CCSER1: variants seen among roughly 807,000 people sequenced by gnomAD.
CCSER1 encodes the protein coiled-coil serine rich protein 1, also known as serine-rich coiled-coil domain-containing protein 1.
CCSER1 carries 41 observed loss-of-function variants against 82.0 expected under a neutral mutation model. That is an observed-to-expected ratio of 0.50 (90% confidence interval 0.39 to 0.65). The LOEUF (loss-of-function observed/expected upper bound fraction) is 0.65. Among genes scored for constraint, CCSER1 ranks in the 30% least tolerant of loss-of-function variants. The pLI is 0.00. For synonymous variants in CCSER1, 414 were observed against 383.9 expected (o/e 1.08, Z -0.92); for missense variants, 1,119 against 1,064.2 (o/e 1.05, Z -0.72).
At chr4:91,508,156 TTCTGGGTTTTTTTTTTTTTTTTTC>T (rs1446875234) in intron 10 of CCSER1, among the ~76,000 whole-genome samples, 10 of 134,342 alleles carry the variant, frequency 7.4e-5, no homozygotes, top group Non-Finnish European at 1.3e-4. Context: ...TTTTTTTTTT[TTCTGGGTTTTTTTTTTTTTTTTTC>T]CTGATCTTGG....
chr4:91,531,646 C>T (rs774151832), intron 10 of CCSER1, among the ~76,000 whole-genome samples: 1 of 152,146 alleles, frequency 6.6e-6, no homozygotes, highest in Non-Finnish European at 1.5e-5. Context: ...GAATTCATTG[C>T]TCACAGTTCT....
At chr4:90,723,224 T>G (rs2149372527) in intron 6 of CCSER1, among the ~76,000 whole-genome samples, 1 of 152,092 alleles carries the variant, frequency 6.6e-6, no homozygotes, top group African/African-American at 2.4e-5. Flanking sequence ...AACTTCTAAC[T>G]GATATATCTT....
At chr4:90,661,708 A>C (rs1325243307) in intron 6 of CCSER1, among the ~76,000 whole-genome samples, 1 of 152,122 alleles carries the variant, frequency 6.6e-6, no homozygotes, top group Non-Finnish European at 1.5e-5. Context: ...TGTCCTACTT[A>C]AATCGTATGC....
chr4:91,564,228 T>C (rs914514456), intron 10 of CCSER1, among the ~76,000 whole-genome samples: 1 of 151,682 alleles, frequency 6.6e-6, no homozygotes, highest in African/African-American at 2.4e-5. Context: ...AATCTCGTTC[T>C]TTTTTTTATG....
intron 10 of CCSER1, among the ~76,000 whole-genome samples, chr4:91,295,995 A>G (rs766453803): frequency 1.3e-5 from 2 of 151,952 alleles, no homozygotes; most frequent in Non-Finnish European, 2.9e-5. Flanking sequence ...ATAGCGGTCT[A>G]TCAAAGTATT....
intron 10 of CCSER1, among the ~76,000 whole-genome samples, chr4:91,154,352 C>T (rs750344484): frequency 2.3e-4 from 35 of 152,022 alleles, no homozygotes; most frequent in Non-Finnish European, 2.8e-4. Context: ...TTGCTAAGAC[C>T]GTGGGAAAAG....
chr4:91,155,468 C>T (rs750925770), intron 10 of CCSER1, among the ~76,000 whole-genome samples: 41 of 151,844 alleles, frequency 2.7e-4, no homozygotes, highest in Admixed American at 5.2e-4. Context: ...AGCATGAGAA[C>T]GGACTAATAC....
chr4:91,326,305 A>G (rs1746555314), intron 10 of CCSER1, among the ~76,000 whole-genome samples: 1 of 152,158 alleles, frequency 6.6e-6, no homozygotes, highest in African/African-American at 2.4e-5. Flanking sequence ...GCCTCAGGAA[A>G]CTTACAATCA....
intron 10 of CCSER1, among the ~76,000 whole-genome samples, chr4:91,152,481 G>A (rs1395931510): frequency 3.9e-5 from 6 of 152,096 alleles, no homozygotes; most frequent in Non-Finnish European, 5.9e-5. Context: ...CTCTTTGCCA[G>A]TCTGTATCTT....
At chr4:90,500,843 C>G (rs2153611655) in intron 5 of CCSER1, among the ~76,000 whole-genome samples, 1 of 151,392 alleles carries the variant, frequency 6.6e-6, no homozygotes, top group East Asian at 1.9e-4. Flanking sequence ...TAACAGTAGC[C>G]CTGCATTGCT....
intron 5 of CCSER1, among the ~76,000 whole-genome samples, chr4:90,500,543 C>A (rs75730290): frequency 6.6e-6 from 1 of 151,912 alleles, no homozygotes; most frequent in Non-Finnish European, 1.5e-5. Context: ...GTTGGCCAGG[C>A]TTTTTTTGAA....
chr4:90,894,559 A>T (rs539091304), intron 8 of CCSER1, among the ~76,000 whole-genome samples: 1 of 151,856 alleles, frequency 6.6e-6, no homozygotes, highest in Non-Finnish European at 1.5e-5. Context: ...TATTAGCTGC[A>T]TCTCTCCCTA....
chr4:90,274,895 G>C (rs1452188169), intron 1 of CCSER1, among the ~76,000 whole-genome samples: 1 of 152,126 alleles, frequency 6.6e-6, no homozygotes, highest in African/African-American at 2.4e-5. Flanking sequence ...GGCTTACACT[G>C]TCTTGCTGTA....
At chr4:91,244,620 G>A (rs1316921421) in intron 10 of CCSER1, among the ~76,000 whole-genome samples, 2 of 152,190 alleles carry the variant, frequency 1.3e-5, no homozygotes, top group Non-Finnish European at 2.9e-5. Context: ...CAGCATTATA[G>A]GGCTTGGTAC....
intron 10 of CCSER1, among the ~76,000 whole-genome samples, chr4:91,201,258 T>G (rs1215654156): frequency 6.6e-6 from 1 of 152,096 alleles, no homozygotes; most frequent in Admixed American, 6.6e-5. Flanking sequence ...CTGGCTGGCT[T>G]AGGCCTGCAT....
chr4:90,513,840 C>T (rs981728104), intron 5 of CCSER1, among the ~76,000 whole-genome samples: 8 of 152,060 alleles, frequency 5.3e-5, no homozygotes, highest in Admixed American at 3.3e-4. Context: ...AGATGAGGAG[C>T]GGTTGGTGTG....
intron 4 of CCSER1, among the ~76,000 whole-genome samples, chr4:90,450,623 A>AG (rs1365153868): frequency 6.6e-6 from 1 of 152,222 alleles, no homozygotes; most frequent in Non-Finnish European, 1.5e-5. Flanking sequence ...AAATTCCGTC[A>AG]GTTCCCTGGT....
chr4:91,465,737 A>G (rs1052019163), intron 10 of CCSER1, among the ~76,000 whole-genome samples: 2 of 152,192 alleles, frequency 1.3e-5, no homozygotes, highest in African/African-American at 4.8e-5. Context: ...CTATACAAAT[A>G]AACTAGAAAA....
intron 5 of CCSER1, among the ~76,000 whole-genome samples, chr4:90,580,226 A>G (rs1390289562): frequency 6.6e-6 from 1 of 152,112 alleles, no homozygotes; most frequent in African/African-American, 2.4e-5. Flanking sequence ...GGAATTAACA[A>G]ATTATTTCCA....
Sources: gnomAD v4.1 joint callset for allele counts (sites outside exome capture counted in the v4.1 genomes callset) on GRCh38, gnomAD v4.1.1 for gene constraint, MANE v1.5 for transcripts, NCBI Gene and HGNC (gene_info 2026-07-23, HGNC 2026-07-21) for gene names.